The following GLI3 variants were observed in gnomAD, a reference collection of about 807,000 sequenced individuals.
The protein encoded by GLI3 is GLI family zinc finger 3.
In GLI3, 20 loss-of-function variants were observed where a neutral mutation model predicts 100.8. The ratio of observed to expected loss-of-function variants is 0.20; its 90% CI spans 0.14 to 0.29. The LOEUF (loss-of-function observed/expected upper bound fraction) is 0.29. Among genes scored for constraint, GLI3 ranks in the 10% least tolerant of loss-of-function variants. The probability of loss-of-function intolerance (pLI) is 1.00; values close to 1 mark genes in which losing one functional copy is unlikely to be tolerated. For synonymous variants in GLI3, 938 were observed against 860.5 expected (o/e 1.09, Z -1.58); for missense variants, 2,040 against 2,128.5 (o/e 0.96, Z 0.82).
At chr7:42,055,070 CATATAT>C (rs1562706205) in intron 4 of GLI3, among the ~76,000 whole-genome samples, 1 of 136,632 alleles carries the variant, frequency 7.3e-6, no homozygotes, top group African/African-American at 3.3e-5. Context: ...TATATGTATA[CATATAT>C]ATGTATATAT....
At chr7:42,058,023 T>C (rs1461565346) in intron 4 of GLI3, among the ~76,000 whole-genome samples, 1 of 152,062 alleles carries the variant, frequency 6.6e-6, no homozygotes, top group Non-Finnish European at 1.5e-5. Flanking sequence ...AAACCACTTG[T>C]ACCCCAAAAG....
intron 3 of GLI3, among the ~76,000 whole-genome samples, chr7:42,115,609 T>C (rs981741534): frequency 6.6e-6 from 1 of 152,182 alleles, no homozygotes; most frequent in Non-Finnish European, 1.5e-5. Flanking sequence ...CCTGTAACAC[T>C]GAGGTCCTAC....
chr7:42,085,725 C>T (rs376032969), intron 3 of GLI3, among the ~76,000 whole-genome samples: 2 of 152,144 alleles, frequency 1.3e-5, no homozygotes, highest in South Asian at 2.1e-4. Flanking sequence ...GCTTTGGAGG[C>T]GGCAACCCTG....
chr7:42,056,642 C>T (rs1157974834), intron 4 of GLI3, among the ~76,000 whole-genome samples: 1 of 151,938 alleles, frequency 6.6e-6, no homozygotes, highest in African/African-American at 2.4e-5. Context: ...AACATTACTT[C>T]AAGAGATTTT....
chr7:42,189,407 G>A (rs1041368579), intron 2 of GLI3, among the ~76,000 whole-genome samples: 2 of 152,188 alleles, frequency 1.3e-5, no homozygotes, highest in Admixed American at 1.3e-4. Context: ...TAAGGTGAAT[G>A]ACTTCATCAA....
intron 2 of GLI3, among the ~76,000 whole-genome samples, chr7:42,189,218 T>C (rs1227508581): frequency 6.6e-6 from 1 of 152,104 alleles, no homozygotes; most frequent in Admixed American, 6.5e-5. Flanking sequence ...AAAGGACTAA[T>C]AAAATAAACT....
intron 1 of GLI3, among the ~76,000 whole-genome samples, chr7:42,228,199 G>A (rs1032937000): frequency 6.6e-6 from 1 of 152,134 alleles, no homozygotes; most frequent in South Asian, 2.1e-4. Flanking sequence ...GAGTTCTCCC[G>A]GCCCCGGCGC....
intron 2 of GLI3, among the ~76,000 whole-genome samples, chr7:42,164,142 C>A (rs752116127): frequency 5.3e-5 from 8 of 152,162 alleles, no homozygotes; most frequent in Non-Finnish European, 1.0e-4. Context: ...TAGGACACAT[C>A]CTGTCCATAC....
At chr7:42,059,778 C>G (rs1187065254) in intron 4 of GLI3, among the ~76,000 whole-genome samples, 1 of 152,244 alleles carries the variant, frequency 6.6e-6, no homozygotes, top group Non-Finnish European at 1.5e-5. Context: ...CACACAGATG[C>G]TGTCCTTTCC....
At chr7:42,032,814 G>A (rs755377834) in intron 7 of GLI3, among the ~76,000 whole-genome samples, 17 of 152,220 alleles carry the variant, frequency 1.1e-4, no homozygotes, top group African/African-American at 4.1e-4. Context: ...TCAAGAGGCC[G>A]TATCATCCAG....
chr7:42,113,575 CA>C (rs1785770903), intron 3 of GLI3: 8 of 1,045,904 alleles, frequency 7.6e-6, no homozygotes, highest in East Asian at 2.4e-5. Context: ...ATGGAGTTGC[CA>C]AAAAAGACCA....
intron 2 of GLI3, among the ~76,000 whole-genome samples, chr7:42,160,010 C>T (rs865904904): frequency 6.6e-6 from 1 of 152,222 alleles, no homozygotes; most frequent in African/African-American, 2.4e-5. Context: ...CCCAGACTTG[C>T]TCCTAGCACT....
chr7:42,076,601 G>A (rs1784883090), intron 4 of GLI3, 151 bp downstream of exon 4: 3 of 674,734 alleles, frequency 4.4e-6, no homozygotes, highest in African/African-American at 1.8e-5. Flanking sequence ...GTGAACCCAC[G>A]AACAGATAGG....
chr7:42,040,252 C>T lies in GLI3; in HGVS notation c.827-13G>A, dbSNP rs2128738773. On this transcript the variant is annotated splice_polypyrimidine_tract_variant and intron_variant, in intron 6 of 14. Transcript: ENST00000395925. The stretch of plus-strand genomic sequence containing the variant: ...GAGAATCTGGTGCCTGTTATATAAA[C>T]AAAAAAGAACCTAATTACCTGCAGT... 6.3e-7 allele frequency: 1 copy of T among 1,597,666 alleles called. No homozygotes were observed. The highest frequency in any genetic ancestry group is 8.6e-7 in the Non-Finnish European group (1 of 1,165,348).
At chr7:42,071,814 T>C (rs1440950270) in intron 4 of GLI3, among the ~76,000 whole-genome samples, 1 of 152,156 alleles carries the variant, frequency 6.6e-6, no homozygotes, top group Non-Finnish European at 1.5e-5. Flanking sequence ...CTATTTCCAG[T>C]GCACTCTGTC....
chr7:42,080,752 T>C (rs955734447), intron 3 of GLI3, among the ~76,000 whole-genome samples: 1 of 152,186 alleles, frequency 6.6e-6, no homozygotes, highest in Non-Finnish European at 1.5e-5. Flanking sequence ...TCCTGAATCC[T>C]CAAACGTTGA....
intron 2 of GLI3, among the ~76,000 whole-genome samples, chr7:42,208,540 A>G (rs1410340737): frequency 6.6e-6 from 1 of 152,170 alleles, no homozygotes; most frequent in Non-Finnish European, 1.5e-5. Flanking sequence ...TAAATTACAA[A>G]TATGGGTTAC....
At chr7:42,222,836 A>T in intron 2 of GLI3, 1 of 373,442 alleles carries the variant, frequency 2.7e-6, no homozygotes, top group Non-Finnish European at 5.2e-6. Context: ...AACTCTTGCC[A>T]GACTAGTCAA....
At chr7:42,083,259 T>C (rs1268202928) in intron 3 of GLI3, among the ~76,000 whole-genome samples, 4 of 152,198 alleles carry the variant, frequency 2.6e-5, no homozygotes, top group Non-Finnish European at 5.9e-5. Context: ...TCAATCATTT[T>C]AATGTTTAGG....
Sources: allele counts gnomAD v4.1 joint callset (sites outside exome capture counted in the v4.1 genomes callset), GRCh38; gene constraint gnomAD v4.1.1; transcripts MANE v1.5; gene names NCBI Gene and HGNC (gene_info 2026-07-23, HGNC 2026-07-21).